ADCYAP1R1: variants seen among roughly 807,000 people sequenced by gnomAD.
ADCYAP1R1 encodes the protein ADCYAP receptor type I.
In ADCYAP1R1, 44 loss-of-function variants were observed where a neutral mutation model predicts 67.6. The ratio of observed to expected loss-of-function variants is 0.65; its 90% CI spans 0.51 to 0.84. The LOEUF (loss-of-function observed/expected upper bound fraction) is 0.84, where lower values mean the gene tolerates loss of function less well. ADCYAP1R1 is among the 40% of genes least tolerant of loss of function. The pLI, the probability that ADCYAP1R1 is intolerant of heterozygous loss-of-function variation, is 0.00. For synonymous variants in ADCYAP1R1, 222 were observed against 219.6 expected, an observed-to-expected ratio of 1.01 and a Z score of -0.10; for missense variants, 477 against 587.9, an observed-to-expected ratio of 0.81 and a Z score of 1.95.
chr7:31,104,840 T>A, intron 14 of ADCYAP1R1, 28 bp from the exon 15 acceptor site: 1 of 1,613,684 alleles, frequency 6.2e-7, no homozygotes, highest in South Asian at 1.1e-5. Context: ...TTTGCTAGCA[T>A]CCTCAGGCTT....
At chr7:31,105,682 G>A (rs1197076060) in intron 15 of ADCYAP1R1, among the ~76,000 whole-genome samples, 4 of 152,166 alleles carry the variant, frequency 2.6e-5, no homozygotes, top group African/African-American at 4.8e-5. Flanking sequence ...CTCTGTGATC[G>A]CCCAGACAAC....
intron 3 of ADCYAP1R1, among the ~76,000 whole-genome samples, chr7:31,072,799 T>C (rs1795044110): frequency 6.6e-6 from 1 of 152,186 alleles, no homozygotes; most frequent in South Asian, 2.1e-4. Context: ...GAATTAAGGA[T>C]CTTGAACTGA....
rs1465214677 is a variant in ADCYAP1R1 at position 31,064,753 on chromosome 7, G to A, written c.52-78G>A. On this transcript the variant is annotated intron_variant, in intron 2 of 15. Transcript: ENST00000304166. ...TGCTCCCCACTCCCCCCAAGACACT[G>A]CCCCTGGGGCTTTGGTAGGAGAGCT... 6.8e-6 allele frequency: 8 copies of A among 1,184,700 alleles called. No homozygotes were observed. The African/African-American group carries it at 1.2e-4, about 18-fold the overall frequency. 73.4% of individuals were successfully genotyped at this position (1,184,700 alleles called of 1,614,324 possible).
In ADCYAP1R1 at chr7:31,106,685, G is replaced by A. The variant is rs1392100704; in HGVS notation, c.*1G>A. 6.2e-7 allele frequency: 1 copy of A among 1,603,138 alleles called. No individual in the cohort carries two copies. The highest frequency in any genetic ancestry group is 8.5e-7 in the Non-Finnish European group (1 of 1,174,588). ...CCCTGCTGACAATCTGGCCACCTGA[G>A]CCATGCTCCCCTCCTCCTCCTCTCC... On this transcript the variant is annotated 3_prime_UTR_variant, in exon 16 of 16. Transcript: ENST00000304166.
At chr7:31,067,203 C>T (rs951240613) in intron 3 of ADCYAP1R1, among the ~76,000 whole-genome samples, 1 of 152,164 alleles carries the variant, frequency 6.6e-6, no homozygotes, top group Non-Finnish European at 1.5e-5. Context: ...AGGCTGCACC[C>T]TCTCACGATC....
At chr7:31,087,748 A>G in intron 12 of ADCYAP1R1, 52 bp downstream of exon 12, 1 of 1,471,338 alleles carries the variant, frequency 6.8e-7, no homozygotes, top group Non-Finnish European at 9.4e-7. Flanking sequence ...CTTGGGCAGA[A>G]AGGCACGCGA....
At chr7:31,078,876 G>T (rs944950064) in intron 4 of ADCYAP1R1, among the ~76,000 whole-genome samples, 1 of 152,198 alleles carries the variant, frequency 6.6e-6, no homozygotes, top group Non-Finnish European at 1.5e-5. Context: ...GTGCGATGGC[G>T]CCTCCCTGAG....
At chr7:31,098,219 A>G (rs1045672882) in intron 13 of ADCYAP1R1, among the ~76,000 whole-genome samples, 1 of 152,242 alleles carries the variant, frequency 6.6e-6, no homozygotes, top group African/African-American at 2.4e-5. Context: ...CTTTTCAGCT[A>G]GGAAAAGGTA....
chr7:31,058,566 T>G (rs1184200242), intron 1 of ADCYAP1R1, among the ~76,000 whole-genome samples: 3 of 152,202 alleles, frequency 2.0e-5, no homozygotes, highest in Non-Finnish European at 4.4e-5. Context: ...GGAAAGTGTG[T>G]CGCCTTCTCT....
chr7:31,099,430 G>C (rs1796342895), intron 13 of ADCYAP1R1, among the ~76,000 whole-genome samples: 1 of 152,198 alleles, frequency 6.6e-6, no homozygotes, highest in Non-Finnish European at 1.5e-5. Flanking sequence ...TTTTTAATTT[G>C]ATTAATTTAA....
intron 3 of ADCYAP1R1, among the ~76,000 whole-genome samples, chr7:31,072,302 G>A (rs1198375286): frequency 6.6e-6 from 1 of 152,158 alleles, no homozygotes; most frequent in African/African-American, 2.4e-5. Context: ...GCCTTCAAGG[G>A]TGGTCCAGAG....
At chr7:31,055,820 G>A (rs748214972) in intron 1 of ADCYAP1R1, among the ~76,000 whole-genome samples, 3 of 152,198 alleles carry the variant, frequency 2.0e-5, no homozygotes, top group Non-Finnish European at 4.4e-5. Context: ...TCCATTCTAC[G>A]TGGAGCTCAG....
intron 2 of ADCYAP1R1, among the ~76,000 whole-genome samples, chr7:31,064,422 A>G (rs1250631397): frequency 6.6e-6 from 1 of 152,186 alleles, no homozygotes; most frequent in Non-Finnish European, 1.5e-5. Flanking sequence ...GTGACTTAAC[A>G]TCTCTGTACT....
At position 31,101,537 on chromosome 7, in the gene ADCYAP1R1, A is replaced by G. The variant is rs1796436597; in HGVS notation, c.1047-1700A>G. 2.6e-5 allele frequency among the ~76,000 whole-genome samples: 4 copies of G among 152,174 alleles called. No individual in the cohort carries two copies. In the South Asian group the frequency reaches 8.3e-4, roughly 32 times the overall value. ...GTAGGGCCACAGAGGAGTCCCCAAG[A>G]CATCCATGTCCCTGTGTTTCTGGCC... On this transcript the variant is annotated intron_variant, in intron 13 of 15. Coordinates refer to ENST00000304166, the MANE Select transcript of ADCYAP1R1 (RefSeq NM_001118.5).
chr7:31,090,782 G>A (rs957017682), intron 12 of ADCYAP1R1, among the ~76,000 whole-genome samples: 3 of 152,218 alleles, frequency 2.0e-5, no homozygotes, highest in Non-Finnish European at 4.4e-5. Context: ...GTAGTCCATG[G>A]TGTATACGTG....
chr7:31,071,342 A>G (rs950464099), intron 3 of ADCYAP1R1, among the ~76,000 whole-genome samples: 8 of 152,154 alleles, frequency 5.3e-5, no homozygotes, highest in Non-Finnish European at 7.4e-5. Flanking sequence ...GGAAGCAGCT[A>G]GGGAGAGTGT....
At position 31,109,158 on chromosome 7, in the gene ADCYAP1R1, T is replaced by A. The variant is rs1352703011; in HGVS notation, c.*2474T>A. Reference sequence around the variant, plus strand: ...GCTGCTTCCTGAGCCTGGCCCTGCATCCTCATAGAGGTGCCGGGTTCCTAT... The same window carrying A: ...GCTGCTTCCTGAGCCTGGCCCTGCAACCTCATAGAGGTGCCGGGTTCCTAT... On this transcript the variant is annotated 3_prime_UTR_variant, in exon 16 of 16. Transcript: ENST00000304166. 1 of 152,258 alleles carries A rather than the reference T, an allele frequency of 6.6e-6. No homozygotes were observed. Among genetic ancestry groups the A allele is most frequent in the Non-Finnish European group, 1.5e-5 (1 of 68,064 alleles). The allele number at this position is 152,258 out of a possible 1,614,324, so 9.4% of individuals were successfully genotyped here. A position where few individuals can be genotyped will look rare whatever the true frequency, so the allele number is the denominator to read the frequency against.
At chr7:31,094,703 C>T (rs2267732) in intron 13 of ADCYAP1R1, among the ~76,000 whole-genome samples, 1 of 151,826 alleles carries the variant, frequency 6.6e-6, no homozygotes, top group Non-Finnish European at 1.5e-5. Flanking sequence ...AAGAAGTGCC[C>T]GCCAAGGTTT....
intron 13 of ADCYAP1R1, among the ~76,000 whole-genome samples, chr7:31,094,056 A>C (rs571334876): frequency 6.6e-6 from 1 of 152,190 alleles, no homozygotes; most frequent in South Asian, 2.1e-4. Context: ...GGGGACTAGC[A>C]CAGGGCCTGG....
Sources: gnomAD v4.1 joint callset for allele counts (sites outside exome capture counted in the v4.1 genomes callset) on GRCh38, gnomAD v4.1.1 for gene constraint, MANE v1.5 for transcripts, NCBI Gene and HGNC (gene_info 2026-07-23, HGNC 2026-07-21) for gene names.